The following CDH4 variants were observed in gnomAD, a reference collection of about 807,000 sequenced individuals.
CDH4 encodes the protein cadherin 4.
Under a neutral mutation model 86.0 loss-of-function variants are expected in CDH4, and 33 were observed. The ratio of observed to expected loss-of-function variants is 0.38; its 90% confidence interval spans 0.29 to 0.51. CDH4 has a LOEUF of 0.51. CDH4 is among the 20% of genes least tolerant of loss of function. The pLI, the probability that CDH4 is intolerant of heterozygous loss-of-function variation, is 0.86. For synonymous variants in CDH4, 555 were observed against 549.4 expected, an observed-to-expected ratio of 1.01 and a Z score of -0.14; for missense variants, 1,114 against 1,307.4, an observed-to-expected ratio of 0.85 and a Z score of 2.28.
intron 2 of CDH4, among the ~76,000 whole-genome samples, chr20:61,610,187 A>G (rs747432988): frequency 1.5e-4 from 23 of 152,102 alleles, no homozygotes; most frequent in Admixed American, 4.6e-4. Context: ...GACATTCACC[A>G]TTCTACCCTC....
chr20:61,816,364 A>G (rs1980713585), intron 4 of CDH4, among the ~76,000 whole-genome samples: 1 of 152,200 alleles, frequency 6.6e-6, no homozygotes, highest in South Asian at 2.1e-4. Context: ...AGTTCAGCTG[A>G]GATTCTTAGG....
At position 61,939,583 on chromosome 20, in the gene CDH4, G is replaced by A. The variant is rs1308633490; in HGVS notation, c.*2640G>A. Reference sequence around the variant, plus strand: ...CCTTCCCAGCTCCACCTCTGAACTTGAGTTAGCGTTAGCTAAGCATACAAT... The same window carrying A: ...CCTTCCCAGCTCCACCTCTGAACTTAAGTTAGCGTTAGCTAAGCATACAAT... On this transcript the variant is annotated 3_prime_UTR_variant, in exon 16 of 16. Transcript: ENST00000614565. 6.6e-6 allele frequency: 1 copy of A among 152,354 alleles called. No homozygotes were observed. 9.4% of individuals were successfully genotyped at this position (152,354 alleles called of 1,614,324 possible).
chr20:61,649,806 C>T (rs1243277882), intron 2 of CDH4, among the ~76,000 whole-genome samples: 2 of 152,224 alleles, frequency 1.3e-5, no homozygotes, highest in Non-Finnish European at 2.9e-5. Flanking sequence ...TCCCTTGGCC[C>T]TGGACTCACT....
intron 2 of CDH4, among the ~76,000 whole-genome samples, chr20:61,257,135 T>C (rs944908414): frequency 6.6e-6 from 1 of 152,180 alleles, no homozygotes. Flanking sequence ...CGGAGAGAGC[T>C]TAACCTTAAT....
intron 2 of CDH4, among the ~76,000 whole-genome samples, chr20:61,365,382 G>A (rs1456488848): frequency 1.3e-5 from 2 of 152,156 alleles, no homozygotes; most frequent in African/African-American, 4.8e-5. Flanking sequence ...GGGCGTGGCT[G>A]GTCCATCACG....
intron 2 of CDH4, among the ~76,000 whole-genome samples, chr20:61,714,122 C>CT (rs1375371135): frequency 6.6e-6 from 1 of 151,656 alleles, no homozygotes; most frequent in Non-Finnish European, 1.5e-5. Flanking sequence ...TCTTGGCTCA[C>CT]TACAAGCTCT....
At chr20:61,837,080 G>A (rs935667712) in intron 4 of CDH4, among the ~76,000 whole-genome samples, 1 of 152,180 alleles carries the variant, frequency 6.6e-6, no homozygotes, top group Non-Finnish European at 1.5e-5. Flanking sequence ...CTGGTCCCAG[G>A]TACTCAGGAG....
At chr20:61,694,650 A>G (rs961367628) in intron 2 of CDH4, among the ~76,000 whole-genome samples, 4 of 152,190 alleles carry the variant, frequency 2.6e-5, no homozygotes, top group Non-Finnish European at 4.4e-5. Context: ...TCCTAAAAAC[A>G]GGCACCTCCA....
At position 61,510,748 on chromosome 20, in the gene CDH4, G is replaced by T. The variant is rs1379321108; in HGVS notation, c.170-232815G>T. On this transcript the variant is annotated intron_variant, in intron 2 of 15. Transcript: ENST00000614565. The surrounding 1 kb of genome is among the most constrained non-coding windows in gnomAD (Gnocchi z 4.2). ...TTGAAAATTGTATTAGGCTGTTCTT[G>T]CATTGCTATAAAGAAATACCTGAGA... Among the ~76,000 whole-genome samples, 4 of 152,112 alleles carry T rather than the reference G, an allele frequency of 2.6e-5. No individual in the cohort carries two copies. The highest frequency in any genetic ancestry group is 5.9e-5 in the Non-Finnish European group (4 of 68,018).
At chr20:61,926,865 T>A (rs548616401) in intron 11 of CDH4, among the ~76,000 whole-genome samples, 3 of 151,554 alleles carry the variant, frequency 2.0e-5, no homozygotes, top group African/African-American at 7.3e-5. Context: ...AGAGTGAGAC[T>A]CCATCTCAAA....
chr20:61,571,084 A>G (rs1199625463), intron 2 of CDH4, among the ~76,000 whole-genome samples: 1 of 152,156 alleles, frequency 6.6e-6, no homozygotes, highest in Non-Finnish European at 1.5e-5. Context: ...GTGGGGTCCA[A>G]CAGGGGTTTC....
chr20:61,384,033 G>A (rs28701992), intron 2 of CDH4, among the ~76,000 whole-genome samples: 35,803 of 148,556 alleles, frequency 0.24, 4,970 homozygotes, highest in African/African-American at 0.34. Context: ...CATTCAGCAC[G>A]GGAGAAAGAT....
At chr20:61,743,358 C>T (rs926816188) in intron 2 of CDH4, among the ~76,000 whole-genome samples, 2 of 152,142 alleles carry the variant, frequency 1.3e-5, no homozygotes, top group African/African-American at 4.8e-5. Flanking sequence ...TGCTTTTCTT[C>T]CCCCCCTTTT....
At chr20:61,524,745 A>G (rs1458921844) in intron 2 of CDH4, among the ~76,000 whole-genome samples, 1 of 152,164 alleles carries the variant, frequency 6.6e-6, no homozygotes, top group Non-Finnish European at 1.5e-5. Context: ...GGCCTCCCAA[A>G]GTTCTGGGAT....
chr20:61,710,145 A>G (rs1227614026), intron 2 of CDH4, among the ~76,000 whole-genome samples: 5 of 152,222 alleles, frequency 3.3e-5, no homozygotes, highest in Non-Finnish European at 5.9e-5. Flanking sequence ...AGCCCTAGGC[A>G]CTATCACCCC....
At chr20:61,433,954 A>C (rs900186204) in intron 2 of CDH4, among the ~76,000 whole-genome samples, 1 of 152,128 alleles carries the variant, frequency 6.6e-6, no homozygotes, top group African/African-American at 2.4e-5. Context: ...AGACCCACCC[A>C]CCTGCCCATT....
At position 61,688,184 on chromosome 20, in the gene CDH4, G is replaced by A. The variant is rs115158651; in HGVS notation, c.170-55379G>A. Among the ~76,000 whole-genome samples the A allele has an allele frequency of 7.5e-3, 1,135 of 152,094 alleles. 16 individuals are homozygous for A. The highest frequency in any genetic ancestry group is 0.026 in the African/African-American group (1,083 of 41,468). On this transcript the variant is annotated intron_variant, in intron 2 of 15. Coordinates refer to ENST00000614565, the MANE Select transcript of CDH4 (RefSeq NM_001794.5). Reference sequence around the variant, plus strand: ...AGGGGTCAATGTTAGGGGTGACGTCGTGACCAGAAACACCCTTCTTCCACG... The same window carrying A: ...AGGGGTCAATGTTAGGGGTGACGTCATGACCAGAAACACCCTTCTTCCACG...
intron 2 of CDH4, among the ~76,000 whole-genome samples, chr20:61,360,619 C>T (rs557573505): frequency 2.6e-4 from 40 of 152,300 alleles, no homozygotes; most frequent in African/African-American, 9.6e-4. Flanking sequence ...TGTCACCACC[C>T]AGTCCAGCCT....
At chr20:61,509,861 C>A (rs1184670960) in intron 2 of CDH4, among the ~76,000 whole-genome samples, 21 of 152,070 alleles carry the variant, frequency 1.4e-4, no homozygotes, top group Admixed American at 1.4e-3. Flanking sequence ...CTGGTGGCTG[C>A]AAGCTCTCTA....
Sources: gnomAD v4.1 joint callset for allele counts (sites outside exome capture counted in the v4.1 genomes callset) on GRCh38, gnomAD v4.1.1 for gene constraint, Gnocchi (gnomAD v3.1) non-coding constraint, MANE v1.5 for transcripts, NCBI Gene and HGNC (gene_info 2026-07-23, HGNC 2026-07-21) for gene names.